BMPR1B: variants seen among roughly 807,000 people sequenced by gnomAD.
BMPR1B encodes the protein bone morphogenetic protein receptor type-1B.
A neutral mutation model predicts 59.1 loss-of-function variants in BMPR1B; 12 were observed. The ratio of observed to expected loss-of-function variants is 0.20; its 90% CI spans 0.13 to 0.33. The LOEUF (loss-of-function observed/expected upper bound fraction) is 0.33, where lower values mean the gene tolerates loss of function less well. Among genes scored for constraint, BMPR1B ranks in the 10% least tolerant of loss-of-function variants. The pLI is 1.00. For synonymous variants in BMPR1B, 237 were observed against 207.3 expected, an observed-to-expected ratio of 1.14 and a Z score of -1.23; for missense variants, 550 against 610.9, an observed-to-expected ratio of 0.90 and a Z score of 1.05.
chr4:95,064,691 A>G (rs548534411), intron 3 of BMPR1B, among the ~76,000 whole-genome samples: 7 of 152,332 alleles, frequency 4.6e-5, no homozygotes, highest in African/African-American at 1.2e-4. Context: ...AATAATAAAA[A>G]GAAAAATAAC....
chr4:95,006,213 G>A (rs1183801284), intron 3 of BMPR1B, among the ~76,000 whole-genome samples: 1 of 151,898 alleles, frequency 6.6e-6, no homozygotes, highest in African/African-American at 2.4e-5. Flanking sequence ...GGAGGTTGCA[G>A]TGAGCTGAGA....
chr4:95,081,132 TCTC>T (rs1391609099), intron 3 of BMPR1B, among the ~76,000 whole-genome samples: 1 of 152,080 alleles, frequency 6.6e-6, no homozygotes, highest in Non-Finnish European at 1.5e-5. Context: ...GCTTGGCACT[TCTC>T]CTTGCTGCCA....
At chr4:94,804,641 T>C (rs1264778739) in intron 1 of BMPR1B, among the ~76,000 whole-genome samples, 2 of 136,124 alleles carry the variant, frequency 1.5e-5, no homozygotes, top group East Asian at 4.2e-4. Flanking sequence ...GTAATGAAGG[T>C]ATTTTTCAAA....
At chr4:94,811,496 T>G (rs1294827726) in intron 1 of BMPR1B, among the ~76,000 whole-genome samples, 1 of 152,194 alleles carries the variant, frequency 6.6e-6, no homozygotes, top group Admixed American at 6.5e-5. Flanking sequence ...TGTAATCAGC[T>G]GCAATTCAGT....
chr4:94,798,930 A>G (rs1271145269), intron 1 of BMPR1B, among the ~76,000 whole-genome samples: 1 of 151,972 alleles, frequency 6.6e-6, no homozygotes, highest in South Asian at 2.1e-4. Flanking sequence ...TCCAGAGAAC[A>G]AAATAGAAGA....
chr4:94,874,700 G>C (rs552517830), intron 1 of BMPR1B, among the ~76,000 whole-genome samples: 1 of 151,966 alleles, frequency 6.6e-6, no homozygotes, highest in Non-Finnish European at 1.5e-5. Context: ...AAAATCTGTG[G>C]CTATTGGCCG....
chr4:94,815,495 T>C (rs936826455), intron 1 of BMPR1B, among the ~76,000 whole-genome samples: 1 of 152,234 alleles, frequency 6.6e-6, no homozygotes, highest in African/African-American at 2.4e-5. Context: ...TCTGGAAACA[T>C]CTTACCAAAT....
chr4:94,898,853 G>T (rs752908559), intron 2 of BMPR1B, among the ~76,000 whole-genome samples: 6 of 152,002 alleles, frequency 3.9e-5, no homozygotes, highest in Admixed American at 2.6e-4. Flanking sequence ...AGAAAGTTCA[G>T]TACATTATCC....
chr4:94,926,392 T>G (rs1728892454), intron 2 of BMPR1B, among the ~76,000 whole-genome samples: 1 of 152,040 alleles, frequency 6.6e-6, no homozygotes. Context: ...AGCCTGACTT[T>G]TGCAGTGTTT....
chr4:95,128,959 C>G (rs1251017220), intron 8 of BMPR1B, among the ~76,000 whole-genome samples: 5 of 151,930 alleles, frequency 3.3e-5, no homozygotes, highest in African/African-American at 9.7e-5. Context: ...TTTCTTCTCT[C>G]CCTCCATTTT....
chr4:95,030,275 T>A (rs1224179666), intron 3 of BMPR1B, among the ~76,000 whole-genome samples: 1 of 152,218 alleles, frequency 6.6e-6, no homozygotes, highest in East Asian at 1.9e-4. Flanking sequence ...CTTTAATACA[T>A]CTTGAATTAA....
intron 1 of BMPR1B, among the ~76,000 whole-genome samples, chr4:94,838,480 A>T (rs1724911681): frequency 8.0e-6 from 1 of 125,778 alleles, no homozygotes; most frequent in African/African-American, 3.1e-5. Flanking sequence ...TTCCTGGTTT[A>T]GTCTTGGGAG....
intron 3 of BMPR1B, among the ~76,000 whole-genome samples, chr4:95,091,966 A>G (rs1240203523): frequency 6.6e-6 from 1 of 152,112 alleles, no homozygotes; most frequent in Non-Finnish European, 1.5e-5. Flanking sequence ...CAAGGTTAAA[A>G]TCAAGTGTTG....
At chr4:95,078,596 T>A (rs928761403) in intron 3 of BMPR1B, among the ~76,000 whole-genome samples, 1 of 152,196 alleles carries the variant, frequency 6.6e-6, no homozygotes, top group Non-Finnish European at 1.5e-5. Context: ...AGCTAATTAG[T>A]CTAGCCCATG....
intron 2 of BMPR1B, among the ~76,000 whole-genome samples, chr4:94,981,902 T>A (rs1248269965): frequency 6.6e-6 from 1 of 152,188 alleles, no homozygotes; most frequent in Non-Finnish European, 1.5e-5. Flanking sequence ...CTTACCAGAA[T>A]TACATGCTGC....
In BMPR1B at chr4:95,154,705, A is replaced by G. The variant is rs764090825; in HGVS notation, c.*32A>G. 1.2e-6 allele frequency: 2 copies of G among 1,612,906 alleles called. No homozygotes were observed. The highest frequency in any genetic ancestry group is 1.7e-6 in the Non-Finnish European group (2 of 1,179,184). On this transcript the variant is annotated 3_prime_UTR_variant, in exon 13 of 13. Coordinates refer to ENST00000515059, the MANE Select transcript of BMPR1B (RefSeq NM_001203.3). Reference sequence around the variant, plus strand: ...AGGAAAAGTAAGCATCTCTGCAGAAAGCCAACAGGTACTCTTCTGTTTGTG... The same window carrying G: ...AGGAAAAGTAAGCATCTCTGCAGAAGGCCAACAGGTACTCTTCTGTTTGTG...
chr4:95,030,398 C>G (rs1204743139), intron 3 of BMPR1B, among the ~76,000 whole-genome samples: 1 of 151,966 alleles, frequency 6.6e-6, no homozygotes, highest in South Asian at 2.1e-4. Context: ...GCTTGTTTTT[C>G]TCAGGTTTGT....
intron 1 of BMPR1B, among the ~76,000 whole-genome samples, chr4:94,781,773 A>G (rs1722599448): frequency 6.6e-6 from 1 of 152,160 alleles, no homozygotes; most frequent in Admixed American, 6.5e-5. Flanking sequence ...AGTGGACATA[A>G]GACTCATGGT....
intron 2 of BMPR1B, among the ~76,000 whole-genome samples, chr4:94,911,892 A>G (rs1728286613): frequency 6.6e-6 from 1 of 152,160 alleles, no homozygotes; most frequent in African/African-American, 2.4e-5. Flanking sequence ...ATCTCCACAT[A>G]TAAGTGGATT....
Sources: allele counts gnomAD v4.1 joint callset (sites outside exome capture counted in the v4.1 genomes callset), GRCh38; gene constraint gnomAD v4.1.1; transcripts MANE v1.5; gene names NCBI Gene and HGNC (gene_info 2026-07-23, HGNC 2026-07-21).